The following RHBDF2 variants were observed in gnomAD, a reference collection of about 807,000 sequenced individuals.
RHBDF2 encodes the protein inactive rhomboid protein 2.
RHBDF2 carries 38 observed loss-of-function variants against 95.2 expected under a neutral mutation model. That is an observed-to-expected ratio of 0.40 (90% confidence interval 0.31 to 0.52). RHBDF2 has a LOEUF of 0.52. Among genes scored for constraint, RHBDF2 ranks in the 20% least tolerant of loss-of-function variants. The pLI is 0.56. For synonymous variants in RHBDF2, 442 were observed against 462.0 expected (o/e 0.96, Z 0.55); for missense variants, 863 against 1,137.7 (o/e 0.76, Z 3.47).
intron 2 of RHBDF2, among the ~76,000 whole-genome samples, chr17:76,482,282 A>C (rs771125496): frequency 4.6e-5 from 7 of 150,866 alleles, no homozygotes; most frequent in Non-Finnish European, 7.4e-5. Flanking sequence ...GAGATGAGAA[A>C]CCTACTGTGC....
chr17:76,495,415 G>T (rs1567892373), intron 1 of RHBDF2, among the ~76,000 whole-genome samples: 1 of 152,248 alleles, frequency 6.6e-6, no homozygotes, highest in Admixed American at 6.5e-5. Context: ...AGAAGACAGG[G>T]TCACAGGCCC....
intron 18 of RHBDF2, 191 bp from the exon 19 acceptor site, chr17:76,472,243 CTG>C: frequency 1.6e-6 from 1 of 620,302 alleles, no homozygotes; most frequent in East Asian, 2.7e-5. Context: ...TCAGCAAACA[CTG>C]AGCGCCTACT....
intron 1 of RHBDF2, among the ~76,000 whole-genome samples, chr17:76,488,393 G>C (rs572800082): frequency 6.6e-6 from 1 of 152,048 alleles, no homozygotes; most frequent in African/African-American, 2.4e-5. Flanking sequence ...CCAGCTACTC[G>C]GGAGGTTGAG....
rs764981983 is a variant in RHBDF2, at chr17:76,474,555, GGAGA to G, written c.1303-25_1303-22del. On this transcript the variant is annotated intron_variant, in intron 11 of 18. Transcript: ENST00000675367. ...TCAATCTGGGGAAGGGAAAGGGAGG[GGAGA>G]GAGTGAGTTTGAGCCCCAGACCTGG... 5.0e-6 allele frequency: 8 copies of G among 1,613,476 alleles called. No homozygotes were observed. The East Asian group carries it at 6.7e-5, about 13-fold the overall frequency.
chr17:76,491,776 G>C (rs2074308506), intron 1 of RHBDF2, among the ~76,000 whole-genome samples: 1 of 152,180 alleles, frequency 6.6e-6, no homozygotes, highest in Non-Finnish European at 1.5e-5. Context: ...CCCTTCCTTG[G>C]GGCTCAGCGG....
chr17:76,494,875 TG>T (rs1159018282), intron 1 of RHBDF2, among the ~76,000 whole-genome samples: 1 of 152,200 alleles, frequency 6.6e-6, no homozygotes, highest in Admixed American at 6.5e-5. Flanking sequence ...AGCCTGGGGC[TG>T]GACTGCAGGC....
In RHBDF2 at chr17:76,471,774, C is replaced by T. The variant is rs756074634; in HGVS notation, c.2343G>A (p.Leu781=). 1.9e-6 allele frequency: 3 copies of T among 1,609,170 alleles called. No homozygotes were observed. The highest frequency in any genetic ancestry group is 1.7e-5 in the Admixed American group (1 of 59,186). The change falls in exon 19 of 19, where the codon CTG becomes CTA. Residue 781 remains leucine, a synonymous_variant. Transcript: ENST00000675367. ...RKRALILVSL[L]AFAGLFAALV... ...GGGCGGCGAAGAGGCCGGCAAAGGC[C>T]AGCAGTGACACCAGGATGAGTGCCC...
chr17:76,484,941 C>T lies in RHBDF2; in HGVS notation c.-22+2771G>A, dbSNP rs186332859. Among the ~76,000 whole-genome samples, 5 of 152,288 alleles carry T rather than the reference C, an allele frequency of 3.3e-5. No individual in the cohort carries two copies. The East Asian group carries it at 5.8e-4, about 18-fold the overall frequency. Reference sequence around the variant, plus strand: ...CTGACCTGCACAAGGGGGAGAGTAACGGTTCCTCCCCAGAGAAGCGTCTGG... The same window carrying T: ...CTGACCTGCACAAGGGGGAGAGTAATGGTTCCTCCCCAGAGAAGCGTCTGG... On this transcript the variant is annotated intron_variant, in intron 2 of 18. Transcript: ENST00000675367.
Position 76,472,785 on chromosome 17 carries a change from C to T in RHBDF2, c.1965G>A (p.Leu655=), listed in dbSNP as rs1377694006. Residue 655 remains leucine, a synonymous_variant, in exon 18 of 19, where the codon CTG becomes CTA. Transcript: ENST00000675367. ...VVFQMTILRD[L]EKLAGWHRIA... ...TACGGTGCCAGCCGGCCAGCTTCTC[C>T]AGGTCCCTCAGGATGGTCATTTGAA... 6.2e-7 allele frequency: 1 copy of T among 1,608,810 alleles called. No homozygotes were observed.
chr17:76,472,917 C>T, intron 17 of RHBDF2, 78 bp from the exon 18 acceptor site: 1 of 1,586,090 alleles, frequency 6.3e-7, no homozygotes, highest in Admixed American at 1.8e-5. Context: ...TTGGGCCGGC[C>T]ATGCCCTGGC....
chr17:76,476,631 C>T, intron 9 of RHBDF2, 199 bp downstream of exon 9: 1 of 698,396 alleles, frequency 1.4e-6, no homozygotes, highest in South Asian at 2.2e-5. Context: ...GGAAGAGAGG[C>T]AGCAAGCACC....
At position 76,474,630 on chromosome 17, in the gene RHBDF2, G is replaced by A. The variant is rs762841785; in HGVS notation, c.1303-96C>T. 6 of 1,611,814 alleles carry A rather than the reference G, an allele frequency of 3.7e-6. No individual in the cohort carries two copies. The Admixed American group carries it at 1.0e-4, about 27-fold the overall frequency. On this transcript the variant is annotated intron_variant, in intron 11 of 18. Transcript: ENST00000675367. ...TCTGCCCCGCAGAGTCTCCCCTGATGAGGGGCCTGCGGGTGGGTGAGGAGC... is the reference window on the plus strand; with the variant it reads ...TCTGCCCCGCAGAGTCTCCCCTGATAAGGGGCCTGCGGGTGGGTGAGGAGC...
At chr17:76,480,081 T>A (rs1409868960) in intron 3 of RHBDF2, 5 of 68,470 alleles carry the variant, frequency 7.3e-5, no homozygotes, top group African/African-American at 2.2e-4. Context: ...ATTTTTTTTT[T>A]TTTTTTTTTT....
In RHBDF2 at chr17:76,479,877, C is replaced by G. The variant is rs751691524; in HGVS notation, c.151-23G>C. 4.3e-6 allele frequency: 7 copies of G among 1,611,006 alleles called. No individual in the cohort carries two copies. In the South Asian group the frequency reaches 7.7e-5, roughly 18 times the overall value. ...CCTCTTGGGGAGGAAGGAGGGAGGG[C>G]AGGCGGTGGTGTGTGCAGCCCAGGT... On this transcript the variant is annotated intron_variant, in intron 3 of 18. Transcript: ENST00000675367.
intron 9 of RHBDF2, among the ~76,000 whole-genome samples, chr17:76,475,535 T>C (rs2073743288): frequency 6.6e-6 from 1 of 151,984 alleles, no homozygotes; most frequent in South Asian, 2.1e-4. Context: ...TCTCCCTCTC[T>C]ATCCTCCTCC....
rs2073625409 is a variant in RHBDF2, at chr17:76,472,718, C to T, written c.2032G>A (p.Ala678Thr). 6.2e-7 allele frequency: 1 copy of T among 1,614,084 alleles called. No individual in the cohort carries two copies. Residue 678 changes from alanine (A) to threonine (T), a missense_variant, in exon 18 of 19, where the codon GCC (alanine) becomes ACC (threonine). By Grantham distance (58) the Ala-to-Thr change is moderately conservative. Transcript: ENST00000675367. ...CGGTATGGGAGAAAGATGGCACTGGCGAGGTTGCCTGTGATGCCACTGAGG... is the reference window on the plus strand; with the variant it reads ...CGGTATGGGAGAAAGATGGCACTGGTGAGGTTGCCTGTGATGCCACTGAGG... ...FILSGITGNL[A>T]SAIFLPYRAE...
intron 2 of RHBDF2, among the ~76,000 whole-genome samples, chr17:76,485,549 GCA>G: frequency 1.1e-5 from 1 of 94,812 alleles, no homozygotes; most frequent in Non-Finnish European, 2.7e-5. Context: ...TCTCGCCACT[GCA>G]CTCCAGGCCT....
intron 3 of RHBDF2, chr17:76,480,061 ATATATATATATTTT>A (rs2073910831): frequency 2.2e-5 from 1 of 45,002 alleles, no homozygotes. Context: ...GTATATATAT[ATATATATATATTTT>A]TTTTTTTTTT....
chr17:76,492,931 ATTATC>A (rs2144405488), intron 1 of RHBDF2: 1 of 152,478 alleles, frequency 6.6e-6, no homozygotes, highest in Non-Finnish European at 1.5e-5. Context: ...GGAGACCATT[ATTATC>A]CACTGGATAT....
Sources: allele counts gnomAD v4.1 joint callset (sites outside exome capture counted in the v4.1 genomes callset), GRCh38; gene constraint gnomAD v4.1.1; transcripts MANE v1.5; gene names NCBI Gene and HGNC (gene_info 2026-07-23, HGNC 2026-07-21).